The following ITFG1 variants were observed in gnomAD, a reference collection of about 807,000 sequenced individuals.
ITFG1 encodes integrin alpha FG-GAP repeat containing 1.
In ITFG1, 34 loss-of-function variants were observed where a neutral mutation model predicts 81.8. The observed-to-expected ratio is 0.42, with a 90% CI of 0.32 to 0.55. The LOEUF is 0.55. ITFG1 is among the 20% of genes least tolerant of loss of function. The pLI is 0.17. For synonymous variants in ITFG1, 285 were observed against 270.6 expected (o/e 1.05, Z -0.52); for missense variants, 672 against 755.4 (o/e 0.89, Z 1.29).
intron 5 of ITFG1, among the ~76,000 whole-genome samples, chr16:47,439,283 T>C (rs1479294695): frequency 6.6e-6 from 1 of 152,160 alleles, no homozygotes; most frequent in Non-Finnish European, 1.5e-5. Context: ...CCAGGAGAAC[T>C]TCCCCGATCT....
chr16:47,227,804 T>C (rs1222343596), intron 13 of ITFG1, among the ~76,000 whole-genome samples: 2 of 152,208 alleles, frequency 1.3e-5, no homozygotes, highest in African/African-American at 2.4e-5. Flanking sequence ...TATTATATGA[T>C]AGAAATTCAT....
chr16:47,302,066 T>A (rs549416077), intron 10 of ITFG1, among the ~76,000 whole-genome samples: 1 of 152,308 alleles, frequency 6.6e-6, no homozygotes, highest in East Asian at 1.9e-4. Context: ...TTCTGAGGTT[T>A]CTGATTATAA....
At chr16:47,220,510 T>C (rs898060139) in intron 13 of ITFG1, among the ~76,000 whole-genome samples, 1 of 152,244 alleles carries the variant, frequency 6.6e-6, no homozygotes, top group African/African-American at 2.4e-5. Flanking sequence ...AATTTGAGCT[T>C]CTAAGTGAAT....
chr16:47,370,451 T>G (rs1191236498), intron 7 of ITFG1, among the ~76,000 whole-genome samples: 1 of 152,224 alleles, frequency 6.6e-6, no homozygotes, highest in Non-Finnish European at 1.5e-5. Flanking sequence ...TCAGGTCCCC[T>G]GTCCACTGAG....
chr16:47,391,326 T>C (rs949272182), intron 6 of ITFG1, among the ~76,000 whole-genome samples: 1 of 152,322 alleles, frequency 6.6e-6, no homozygotes, highest in East Asian at 1.9e-4. Flanking sequence ...TAAAGACACC[T>C]ATATTTTCAC....
chr16:47,340,045 T>C (rs1295538758), intron 8 of ITFG1, among the ~76,000 whole-genome samples: 2 of 152,112 alleles, frequency 1.3e-5, no homozygotes, highest in Non-Finnish European at 2.9e-5. Flanking sequence ...CAGCAGGCAG[T>C]GGGATGATGT....
At chr16:47,277,168 A>C (rs1337296509) in intron 10 of ITFG1, among the ~76,000 whole-genome samples, 1 of 152,210 alleles carries the variant, frequency 6.6e-6, no homozygotes, top group Non-Finnish European at 1.5e-5. Flanking sequence ...AATGTACTAG[A>C]TTATAATTTT....
chr16:47,348,713 C>T (rs1166812721), intron 8 of ITFG1, among the ~76,000 whole-genome samples: 1 of 152,104 alleles, frequency 6.6e-6, no homozygotes, highest in Non-Finnish European at 1.5e-5. Flanking sequence ...CAGAGAACAC[C>T]ACAAAGATAC....
chr16:47,454,924 G>A (rs1442718279), intron 2 of ITFG1, among the ~76,000 whole-genome samples: 1 of 152,110 alleles, frequency 6.6e-6, no homozygotes, highest in Non-Finnish European at 1.5e-5. Context: ...TTTCCAATTA[G>A]ACTATAGATA....
At chr16:47,428,150 T>C (rs1051776551) in intron 6 of ITFG1, among the ~76,000 whole-genome samples, 2 of 152,138 alleles carry the variant, frequency 1.3e-5, no homozygotes, top group African/African-American at 2.4e-5. Flanking sequence ...AAAGAAATTA[T>C]TGTGTAATTT....
intron 8 of ITFG1, among the ~76,000 whole-genome samples, chr16:47,343,463 G>A (rs529094723): frequency 1.3e-5 from 2 of 151,922 alleles, no homozygotes; most frequent in South Asian, 4.2e-4. Context: ...TGCACATAAA[G>A]GATTTAATAT....
chr16:47,352,682 A>G (rs1433566875), intron 8 of ITFG1, among the ~76,000 whole-genome samples: 9 of 152,204 alleles, frequency 5.9e-5, no homozygotes, highest in Admixed American at 1.3e-4. Context: ...TAGAAATACC[A>G]TTTGACCCAG....
intron 8 of ITFG1, among the ~76,000 whole-genome samples, chr16:47,339,695 A>G (rs1375154887): frequency 6.6e-6 from 1 of 152,202 alleles, no homozygotes; most frequent in Non-Finnish European, 1.5e-5. Flanking sequence ...AAAAACGATG[A>G]AGAAAAATAA....
chr16:47,395,871 C>T (rs1001561953), intron 6 of ITFG1, among the ~76,000 whole-genome samples: 4 of 152,168 alleles, frequency 2.6e-5, no homozygotes, highest in Non-Finnish European at 2.9e-5. Context: ...TCATGTCTAT[C>T]GTCAGCAGTA....
chr16:47,461,144 A>T, upstream of ITFG1: 1 of 1,218,542 alleles, frequency 8.2e-7, no homozygotes, highest in Non-Finnish European at 1.1e-6. Flanking sequence ...CAGCCCCGGG[A>T]CGCGTAAGAG....
intron 13 of ITFG1, among the ~76,000 whole-genome samples, chr16:47,234,108 C>A (rs568202935): frequency 6.6e-6 from 1 of 152,152 alleles, no homozygotes; most frequent in East Asian, 1.9e-4. Context: ...ACAGGGCATG[C>A]AGAAAGGCAA....
At chr16:47,288,467 C>T (rs1436193330) in intron 10 of ITFG1, among the ~76,000 whole-genome samples, 3 of 152,156 alleles carry the variant, frequency 2.0e-5, no homozygotes, top group Non-Finnish European at 4.4e-5. Context: ...ACTGCTGGAA[C>T]GTATGGCAGG....
In ITFG1 at chr16:47,343,165, T is replaced by C. The variant is rs1272914349; in HGVS notation, c.802+22623A>G. Among the ~76,000 whole-genome samples the C allele has an allele frequency of 2.0e-5, 3 of 152,108 alleles. No homozygotes were observed. The East Asian group carries it at 5.8e-4, about 29-fold the overall frequency. ...ACAGACATAGACCAATGGAATATAATTTACAGTCTAGAAATAAACACATAG... is the reference window on the plus strand; with the variant it reads ...ACAGACATAGACCAATGGAATATAACTTACAGTCTAGAAATAAACACATAG... On this transcript the variant is annotated intron_variant, in intron 8 of 17. Coordinates refer to ENST00000320640, the MANE Select transcript of ITFG1 (RefSeq NM_030790.5).
chr16:47,339,324 G>A (rs1221682942), intron 8 of ITFG1, among the ~76,000 whole-genome samples: 1 of 152,168 alleles, frequency 6.6e-6, no homozygotes, highest in African/African-American at 2.4e-5. Context: ...TGGGACTGCA[G>A]GATCCACATG....
Sources: gnomAD v4.1 joint callset for allele counts (sites outside exome capture counted in the v4.1 genomes callset) on GRCh38, gnomAD v4.1.1 for gene constraint, MANE v1.5 for transcripts, NCBI Gene and HGNC (gene_info 2026-07-23, HGNC 2026-07-21) for gene names.